COMTD1: variants seen among roughly 807,000 people sequenced by gnomAD.
The protein encoded by COMTD1 is catechol-O-methyltransferase domain containing 1.
A neutral mutation model predicts 33.6 loss-of-function variants in COMTD1; 35 were observed. The ratio of observed to expected loss-of-function variants is 1.04; its 90% CI spans 0.80 to 1.38. COMTD1 has a LOEUF of 1.38. COMTD1 is among the 40% of genes most tolerant of loss of function. The probability of loss-of-function intolerance (pLI) is 0.00; values close to 1 mark genes in which losing one functional copy is unlikely to be tolerated. For missense variants in COMTD1, 370 were observed against 363.4 expected (o/e 1.02, Z -0.15); for synonymous variants, 160 against 176.8 (o/e 0.91, Z 0.75).
In COMTD1 at chr10:75,233,999, G is replaced by T. The variant is rs759635446; in HGVS notation, c.*74C>A. The T allele has an allele frequency of 1.6e-5, 26 of 1,610,170 alleles. No individual in the cohort carries two copies. The highest frequency in any genetic ancestry group is 1.0e-4 in the Admixed American group (6 of 59,940). On this transcript the variant is annotated 3_prime_UTR_variant, in exon 7 of 7. Transcript: ENST00000372538. ...TGTGTCCCAGCCCCACTTTATTTTC[G>T]AATTTAAAACTCAGGGTCAATTCCT...
At chr10:75,234,406 G>C (rs979919815) in intron 6 of COMTD1, 181 bp from the exon 7 acceptor site, 2 of 1,032,428 alleles carry the variant, frequency 1.9e-6, no homozygotes, top group African/African-American at 3.3e-5. Flanking sequence ...GGGCCTCGGA[G>C]GGAGGTGCCC....
rs558946859 is a variant in COMTD1 at position 75,235,710 on chromosome 10, T to C, written c.128A>G (p.Glu43Gly). The C allele has an allele frequency of 1.0e-4, 161 of 1,599,952 alleles. No homozygotes were observed. In the East Asian group the frequency reaches 3.6e-3, roughly 36 times the overall value. The change falls in exon 2 of 7, where the codon GAG becomes GGG. Residue 43 changes from glutamate to glycine, a missense_variant. Transcript: ENST00000372538. Reference protein sequence around the residue: ...RRCPPWRGRREQCLLPPEDSR... With the variant: ...RRCPPWRGRRGQCLLPPEDSR... Reference sequence around the variant, plus strand: ...GTCCTCGGGGGGAAGCAGGCACTGCTCTCGCCGGCCTCGCCATGGGGGGCA... The same window carrying C: ...GTCCTCGGGGGGAAGCAGGCACTGCCCTCGCCGGCCTCGCCATGGGGGGCA...
In COMTD1 at chr10:75,235,938, A is replaced by T; in HGVS notation, c.-10T>A. 2.8e-6 allele frequency: 4 copies of T among 1,443,730 alleles called. No individual in the cohort carries two copies. The highest frequency in any genetic ancestry group is 2.7e-6 in the Non-Finnish European group (3 of 1,107,640). The allele number at this position is 1,443,730 out of a possible 1,614,324, so 89.4% of individuals were successfully genotyped here. On this transcript the variant is annotated 5_prime_UTR_variant, in exon 1 of 7. Coordinates refer to ENST00000372538, the MANE Select transcript of COMTD1 (RefSeq NM_144589.4). ...GCACCGGCTGGGTCATGGCGCGGGCAGGAGGCGGCGGGAGGCAGTGACAGG... is the reference window on the plus strand; with the variant it reads ...GCACCGGCTGGGTCATGGCGCGGGCTGGAGGCGGCGGGAGGCAGTGACAGG...
rs1842185501 is a variant in COMTD1, at chr10:75,235,820, C to T, written c.94+15G>A. The T allele has an allele frequency of 6.5e-7, 1 of 1,534,000 alleles. No individual in the cohort carries two copies. The stretch of plus-strand genomic sequence containing the variant: ...GCGCCCGCCCACCCGCCCGCCGGGA[C>T]CAGGTCCTGCTCACCCAGGAAGAGG... On this transcript the variant is annotated intron_variant, in intron 1 of 6. Transcript: ENST00000372538.
In COMTD1 at chr10:75,234,827, T is replaced by G. The variant is rs552186806; in HGVS notation, c.503-84A>C. The G allele has an allele frequency of 1.8e-5, 28 of 1,527,558 alleles. No homozygotes were observed. In the East Asian group the frequency reaches 6.4e-4, roughly 35 times the overall value. 94.6% of individuals were successfully genotyped at this position (1,527,558 alleles called of 1,614,324 possible). On this transcript the variant is annotated intron_variant, in intron 5 of 6. Transcript: ENST00000372538. ...CCCTCCCAGGCCGGCCCGGGCTCTG[T>G]GACAACCGGCCCTGCCCTTAACCTG...
chr10:75,235,098 C>G lies in COMTD1; in HGVS notation c.409G>C (p.Ala137Pro). 1 of 1,407,382 alleles carries G rather than the reference C, an allele frequency of 7.1e-7. No homozygotes were observed. The highest frequency in any genetic ancestry group is 9.2e-7 in the Non-Finnish European group (1 of 1,086,892). 87.2% of individuals were successfully genotyped at this position (1,407,382 alleles called of 1,614,324 possible). A position where few individuals can be genotyped will look rare whatever the true frequency, so the allele number is the denominator to read the frequency against. The change falls in exon 4 of 7, where the codon GCG becomes CCG. Residue 137 changes from alanine to proline, a missense_variant. By Grantham distance (27) the Ala-to-Pro change is conservative. Coordinates refer to ENST00000372538, the MANE Select transcript of COMTD1 (RefSeq NM_144589.4). ...DGRVVTCEVD[A>P]QPPELGRPLW... ...GGCCGTCCCAGCTCCGGGGGCTGCGCGTCCACCTCGCAGGTCACCACGCGC... is the reference window on the plus strand; with the variant it reads ...GGCCGTCCCAGCTCCGGGGGCTGCGGGTCCACCTCGCAGGTCACCACGCGC...
Position 75,234,084 on chromosome 10 carries a change from A to T in COMTD1, c.778T>A (p.Phe260Ile). 6.2e-7 allele frequency: 1 copy of T among 1,614,020 alleles called. No individual in the cohort carries two copies. Among genetic ancestry groups the T allele is most frequent in the Non-Finnish European group, 8.5e-7 (1 of 1,180,038 alleles). Residue 260 changes from phenylalanine to isoleucine, a missense_variant, in exon 7 of 7, where the codon TTC becomes ATC. Phe to Ile is a conservative substitution (Grantham distance 21). Coordinates refer to ENST00000372538, the MANE Select transcript of COMTD1 (RefSeq NM_144589.4). ...LPLGDGLTLA[F>I]KI Reference sequence around the variant, plus strand: ...ACTAGGGGCCAGCCCTAGATCTTGAAGGCCAAGGTGAGTCCATCGCCCAGG... The same window carrying T: ...ACTAGGGGCCAGCCCTAGATCTTGATGGCCAAGGTGAGTCCATCGCCCAGG...
intron 6 of COMTD1, 37 bp from the exon 7 acceptor site, chr10:75,234,262 G>C: frequency 6.3e-7 from 1 of 1,585,406 alleles, no homozygotes; most frequent in South Asian, 1.1e-5. Flanking sequence ...CGTGGGAGGC[G>C]GGGCTTCGGA....
Position 75,234,092 on chromosome 10 carries a change from G to C in COMTD1, c.770C>G (p.Thr257Ser). ...ISLLPLGDGL[T>S]LAFKI ...CCAGCCCTAGATCTTGAAGGCCAAGGTGAGTCCATCGCCCAGGGGCAGGAG... is the reference window on the plus strand; with the variant it reads ...CCAGCCCTAGATCTTGAAGGCCAAGCTGAGTCCATCGCCCAGGGGCAGGAG... Residue 257 changes from threonine to serine, a missense_variant, in exon 7 of 7, where the codon ACC becomes AGC. Thr to Ser is a moderately conservative substitution (Grantham distance 58, BLOSUM62 1). Transcript: ENST00000372538. The C allele has an allele frequency of 6.2e-7, 1 of 1,614,034 alleles. No individual in the cohort carries two copies.
In COMTD1 at chr10:75,235,168, C is replaced by G. The variant is rs1298096023; in HGVS notation, c.339G>C (p.Thr113=). The G allele has an allele frequency of 4.5e-5, 64 of 1,406,674 alleles. No homozygotes were observed. Among genetic ancestry groups the G allele is most frequent in the Non-Finnish European group, 5.9e-5 (64 of 1,086,506 alleles). 87.1% of individuals were successfully genotyped at this position (1,406,674 alleles called of 1,614,324 possible). The change falls in exon 4 of 7, where the codon ACG becomes ACC. Residue 113 remains threonine (T), a synonymous_variant. Coordinates refer to ENST00000372538, the MANE Select transcript of COMTD1 (RefSeq NM_144589.4). ...GGGCCAGGGCCAGGGCGGAGTAGCC[C>G]GTGAAGGTGCCTGGGACCAGGACAC... ...AKKALDLGTF[T]GYSALALALA...
chr10:75,235,543 C>A, intron 2 of COMTD1, 73 bp downstream of exon 2: 3 of 1,481,226 alleles, frequency 2.0e-6, no homozygotes, highest in East Asian at 4.9e-5. Flanking sequence ...AGGGCCCAGC[C>A]CAAGGTCACA....
In COMTD1 at chr10:75,235,042, C is replaced by T. The variant is rs768908305; in HGVS notation, c.447+18G>A. On this transcript the variant is annotated intron_variant, in intron 4 of 6. Transcript: ENST00000372538. ...TGCGCCCCCGCCTGGGGCTGCAGAG[C>T]TAGGCGCGGGCGCTCACCTGCCTCC... 1.7e-5 allele frequency: 25 copies of T among 1,459,966 alleles called. No homozygotes were observed. Among genetic ancestry groups the T allele is most frequent in the Non-Finnish European group, 2.3e-5 (25 of 1,110,110 alleles). The allele number at this position is 1,459,966 out of a possible 1,614,324, so 90.4% of individuals were successfully genotyped here. A position where few individuals can be genotyped will look rare whatever the true frequency, so the allele number is the denominator to read the frequency against.
intron 1 of COMTD1, 26 bp downstream of exon 1, chr10:75,235,805 ACCCG>A (rs1307190123): frequency 2.1e-5 from 10 of 476,938 alleles, no homozygotes; most frequent in Non-Finnish European, 3.4e-5. Context: ...GCGCCCGCCC[ACCCG>A]CCCGCCGGGA....
chr10:75,235,733 G>T lies in COMTD1; in HGVS notation c.105C>A (p.Cys35Ter), dbSNP rs776624892. The stretch of plus-strand genomic sequence containing the variant: ...GCTCTCGCCGGCCTCGCCATGGGGG[G>T]CACCGCCTCCCTGACGGGGAGAGGG... ...FATGLFLGRR[C>*]PPWRGRREQC... The change falls in exon 2 of 7, where the codon TGC (cysteine) becomes TGA (stop). Residue 35 changes from cysteine to a stop codon, truncating the protein, a stop_gained. Transcript: ENST00000372538. LOFTEE classifies it high-confidence loss of function. 1.9e-6 allele frequency: 3 copies of T among 1,601,834 alleles called. No homozygotes were observed. The highest frequency in any genetic ancestry group is 3.4e-5 in the Admixed American group (2 of 58,986).
chr10:75,234,687 C>T lies in COMTD1; in HGVS notation c.559G>A (p.Asp187Asn), dbSNP rs143196727. 3.8e-6 allele frequency: 6 copies of T among 1,589,970 alleles called. No homozygotes were observed. The East Asian group carries it at 1.4e-4, about 37-fold the overall frequency. The change falls in exon 6 of 7, where the codon GAC becomes AAC. Residue 187 changes from aspartate to asparagine, a missense_variant. By Grantham distance (23) the Asp-to-Asn change is conservative. Transcript: ENST00000372538. ...TAGTAGGCGGAGCAGTTCTCCTTGT[C>T]CGCATCCACCACGGCCACGTCGAAG... is the stretch of plus-strand genomic sequence containing the variant. Reference protein sequence around the residue: ...GTFDVAVVDADKENCSAYYER... With the variant: ...GTFDVAVVDANKENCSAYYER...
rs779093571 is a variant in COMTD1, at chr10:75,235,050, G to A, written c.447+10C>T. On this transcript the variant is annotated intron_variant, in intron 4 of 6. Transcript: ENST00000372538. ...CGCCTGGGGCTGCAGAGCTAGGCGC[G>A]GGCGCTCACCTGCCTCCACAGGGGC... 6.9e-7 allele frequency: 1 copy of A among 1,450,574 alleles called. No individual in the cohort carries two copies. The highest frequency in any genetic ancestry group is 1.4e-5 in the South Asian group (1 of 71,142). The allele number at this position is 1,450,574 out of a possible 1,614,324, so 89.9% of individuals were successfully genotyped here. A position where few individuals can be genotyped will look rare whatever the true frequency, so the allele number is the denominator to read the frequency against.
chr10:75,233,957 G>A lies in COMTD1; in HGVS notation c.*116C>T, dbSNP rs745457909. On this transcript the variant is annotated 3_prime_UTR_variant, in exon 7 of 7. Coordinates refer to ENST00000372538, the MANE Select transcript of COMTD1 (RefSeq NM_144589.4). ...CCCTTCCCCATCCAGCGCCACACAC[G>A]GAGGCTCAGGAGGTCGTGTGTCCCA... 1.3e-6 allele frequency: 2 copies of A among 1,577,690 alleles called. No individual in the cohort carries two copies. The highest frequency in any genetic ancestry group is 8.6e-7 in the Non-Finnish European group (1 of 1,166,300).
chr10:75,234,248 G>T, intron 6 of COMTD1, 23 bp from the exon 7 acceptor site: 11 of 1,597,742 alleles, frequency 6.9e-6, no homozygotes, highest in Non-Finnish European at 8.5e-6. Context: ...GGGGCCAACC[G>T]GGCCGTGGGA....
At position 75,235,751 on chromosome 10, in the gene COMTD1, G is replaced by GGAGA; in HGVS notation, c.95-12_95-9dup. Reference sequence around the variant, plus strand: ...ATGGGGGGCACCGCCTCCCTGACGGGGAGAGGGTGTTGGATTAACCTGAGC... The same window carrying GGAGA: ...ATGGGGGGCACCGCCTCCCTGACGGGGAGAGAGAGGGTGTTGGATTAACCTGAGC... On this transcript the variant is annotated splice_polypyrimidine_tract_variant and intron_variant, in intron 1 of 6. Transcript: ENST00000372538. The GGAGA allele has an allele frequency of 1.3e-6, 2 of 1,596,602 alleles. No individual in the cohort carries two copies. Among genetic ancestry groups the GGAGA allele is most frequent in the Non-Finnish European group, 1.7e-6 (2 of 1,173,338 alleles).
Sources: gnomAD v4.1 joint callset for allele counts on GRCh38, gnomAD v4.1.1 for gene constraint, MANE v1.5 for transcripts, NCBI Gene and HGNC (gene_info 2026-07-23, HGNC 2026-07-21) for gene names.